The following POFUT3 variants were observed in gnomAD, a reference collection of about 807,000 sequenced individuals.
POFUT3 encodes the protein protein O-fucosyltransferase 3.
chr8:33,364,161 G>A, the POFUT3 span, among the ~76,000 whole-genome samples: 5 of 151,444 alleles, frequency 3.3e-5, no homozygotes, highest in East Asian at 1.9e-4. Flanking sequence ...TAGAACCAAC[G>A]ACAAAAAACC....
At chr8:33,318,211 G>A in the POFUT3 span, among the ~76,000 whole-genome samples, 1 of 151,694 alleles carries the variant, frequency 6.6e-6, no homozygotes, top group South Asian at 2.1e-4. Context: ...ATTTCCTGCT[G>A]TTTTGTATTT....
chr8:33,367,130 C>G, the POFUT3 span, among the ~76,000 whole-genome samples: 8 of 152,132 alleles, frequency 5.3e-5, no homozygotes, highest in Admixed American at 4.6e-4. Context: ...CCCCCAAAAT[C>G]TGGACATAAA....
the POFUT3 span, among the ~76,000 whole-genome samples, chr8:33,339,529 G>C: frequency 6.6e-6 from 1 of 152,066 alleles, no homozygotes; most frequent in Non-Finnish European, 1.5e-5. Flanking sequence ...AGAAATAATG[G>C]ATGAAAACTT....
chr8:33,405,581 C>T, the POFUT3 span, among the ~76,000 whole-genome samples: 1 of 152,066 alleles, frequency 6.6e-6, no homozygotes, highest in Non-Finnish European at 1.5e-5. Flanking sequence ...AACTTTTAAC[C>T]TGACCTTTGG....
the POFUT3 span, among the ~76,000 whole-genome samples, chr8:33,380,148 C>CACTATATATAT: frequency 2.7e-5 from 1 of 36,524 alleles, no homozygotes; most frequent in African/African-American, 1.7e-4. Context: ...TATATATATA[C>CACTATATATAT]ACTATATATA....
chr8:33,385,212 C>G, the POFUT3 span, among the ~76,000 whole-genome samples: 1 of 152,178 alleles, frequency 6.6e-6, no homozygotes, highest in African/African-American at 2.4e-5. Flanking sequence ...CCCTGCAACC[C>G]TAGGCTTTCC....
the POFUT3 span, among the ~76,000 whole-genome samples, chr8:33,376,441 C>T: frequency 6.6e-6 from 1 of 152,154 alleles, no homozygotes. Context: ...GAGGTGATGA[C>T]TTTGAGTGAA....
the POFUT3 span, among the ~76,000 whole-genome samples, chr8:33,437,067 T>C: frequency 8.5e-4 from 130 of 152,348 alleles, no homozygotes; most frequent in Non-Finnish European, 1.2e-3. Context: ...CAGCTGCAGC[T>C]GCATTCATGT....
At chr8:33,430,747 T>A in the POFUT3 span, among the ~76,000 whole-genome samples, 2 of 152,146 alleles carry the variant, frequency 1.3e-5, no homozygotes, top group African/African-American at 4.8e-5. Context: ...TCGCTGGGAT[T>A]ACAGGCATGC....
the POFUT3 span, among the ~76,000 whole-genome samples, chr8:33,362,511 T>G: frequency 6.6e-6 from 1 of 152,076 alleles, no homozygotes; most frequent in Non-Finnish European, 1.5e-5. Flanking sequence ...GTGTGCTGTA[T>G]TCAGGAGACC....
the POFUT3 span, among the ~76,000 whole-genome samples, chr8:33,431,547 CAAAAAAAAAAAAAAAAAAAAAA>C: frequency 8.9e-3 from 311 of 35,084 alleles, 4 homozygotes; most frequent in African/African-American, 0.018. Flanking sequence ...GACCCTGTCT[CAAAAAAAAAAAAAAAAAAAAAA>C]AAAAAAAAAA....
the POFUT3 span, among the ~76,000 whole-genome samples, chr8:33,411,329 C>T: frequency 6.6e-6 from 1 of 152,150 alleles, no homozygotes; most frequent in African/African-American, 2.4e-5. Flanking sequence ...ACCAGGGAGT[C>T]TTAGTTTTAT....
chr8:33,451,566 A>G, the POFUT3 span, among the ~76,000 whole-genome samples: 1 of 151,946 alleles, frequency 6.6e-6, no homozygotes, highest in Non-Finnish European at 1.5e-5. Context: ...ATGTATGTGT[A>G]TATATGTATG....
the POFUT3 span, among the ~76,000 whole-genome samples, chr8:33,447,055 C>T: frequency 6.6e-6 from 1 of 152,178 alleles, no homozygotes; most frequent in Non-Finnish European, 1.5e-5. Context: ...TCTGGGAATT[C>T]GTCATCCATA....
the POFUT3 span, among the ~76,000 whole-genome samples, chr8:33,393,836 C>G: frequency 6.6e-6 from 1 of 152,140 alleles, no homozygotes; most frequent in Non-Finnish European, 1.5e-5. Context: ...TGTGGAAAGC[C>G]CAGCCTGCCT....
the POFUT3 span, among the ~76,000 whole-genome samples, chr8:33,468,904 G>A: frequency 6.6e-6 from 1 of 152,110 alleles, no homozygotes; most frequent in Non-Finnish European, 1.5e-5. Flanking sequence ...TTTCTGTTCT[G>A]GTAATTGGGA....
chr8:33,334,469 C>T, the POFUT3 span, among the ~76,000 whole-genome samples: 9 of 152,278 alleles, frequency 5.9e-5, no homozygotes, highest in South Asian at 1.7e-3. Flanking sequence ...CTGCCTGCCT[C>T]GGCCTCCTAA....
chr8:33,343,870 A>G, the POFUT3 span, among the ~76,000 whole-genome samples: 1 of 152,222 alleles, frequency 6.6e-6, no homozygotes, highest in African/African-American at 2.4e-5. Context: ...TTTAAGAAGT[A>G]CATGTGTTCT....
chr8:33,357,842 T>C, the POFUT3 span, among the ~76,000 whole-genome samples: 1 of 152,160 alleles, frequency 6.6e-6, no homozygotes, highest in Non-Finnish European at 1.5e-5. Context: ...CCTCCATAAG[T>C]GTCTCTTTAG....
Sources: allele counts gnomAD v4.1 joint callset (sites outside exome capture counted in the v4.1 genomes callset), GRCh38; gene constraint gnomAD v4.1.1; transcripts MANE v1.5; gene names NCBI Gene and HGNC (gene_info 2026-07-23, HGNC 2026-07-21).